CDH13: variants seen among roughly 807,000 people sequenced by gnomAD.
The protein encoded by CDH13 is cadherin-13.
CDH13 carries 24 observed loss-of-function variants against 63.8 expected under a neutral mutation model. That is an observed-to-expected ratio of 0.38 (90% CI 0.27 to 0.53). The LOEUF (loss-of-function observed/expected upper bound fraction) is 0.53. Ranked by LOEUF, CDH13 falls within the 20% of genes least tolerant of loss-of-function variation. CDH13 has a pLI of 0.85. For synonymous variants in CDH13, 503 were observed against 355.3 expected (o/e 1.42, Z -4.67); for missense variants, 1,049 against 903.1 (o/e 1.16, Z -2.07).
chr16:83,316,897 G>C (rs561543463), intron 5 of CDH13, among the ~76,000 whole-genome samples: 1 of 152,168 alleles, frequency 6.6e-6, no homozygotes, highest in Non-Finnish European at 1.5e-5. Context: ...GCTGGGCTGG[G>C]CTCCAGGCTG....
At chr16:82,631,373 C>A (rs1907989239) in intron 1 of CDH13, among the ~76,000 whole-genome samples, 1 of 152,226 alleles carries the variant, frequency 6.6e-6, no homozygotes, top group African/African-American at 2.4e-5. Flanking sequence ...TACATAACCA[C>A]CCAGAAGGGT....
At chr16:83,249,448 C>T (rs545008250) in intron 5 of CDH13, among the ~76,000 whole-genome samples, 4 of 152,302 alleles carry the variant, frequency 2.6e-5, no homozygotes, top group South Asian at 4.1e-4. Context: ...CCCATTATGT[C>T]CTGTGCAGTT....
At chr16:83,107,689 G>C (rs17279383) in intron 3 of CDH13, among the ~76,000 whole-genome samples, 15,201 of 150,630 alleles carry the variant, frequency 0.1, 883 homozygotes, top group African/African-American at 0.16. Flanking sequence ...TTCTCTCTGT[G>C]TATTGATTCT....
chr16:83,131,169 A>T (rs1049780083), intron 4 of CDH13, among the ~76,000 whole-genome samples: 1 of 144,594 alleles, frequency 6.9e-6, no homozygotes, highest in African/African-American at 2.7e-5. Context: ...TGGGGAGTAT[A>T]AGGGGGTGTA....
chr16:83,005,089 G>C (rs1913346209), intron 2 of CDH13, among the ~76,000 whole-genome samples: 1 of 152,158 alleles, frequency 6.6e-6, no homozygotes, highest in Non-Finnish European at 1.5e-5. Context: ...CTGCAATGGA[G>C]GCTGGGAAGT....
intron 9 of CDH13, among the ~76,000 whole-genome samples, chr16:83,673,226 C>T (rs749296417): frequency 1.1e-4 from 16 of 152,160 alleles, no homozygotes; most frequent in Admixed American, 2.6e-4. Flanking sequence ...AATACTGACC[C>T]GTACTAGAAA....
At chr16:83,718,716 G>T (rs554231370) in intron 10 of CDH13, among the ~76,000 whole-genome samples, 21 of 152,232 alleles carry the variant, frequency 1.4e-4, no homozygotes, top group Non-Finnish European at 2.8e-4. Context: ...AGCCAGCTTG[G>T]CCCACACTCT....
At chr16:83,081,703 G>GAGAA (rs1471249093) in intron 3 of CDH13, among the ~76,000 whole-genome samples, 1 of 151,914 alleles carries the variant, frequency 6.6e-6, no homozygotes, top group Non-Finnish European at 1.5e-5. Context: ...GAGAGAGAGA[G>GAGAA]AGAAAGAGAG....
intron 13 of CDH13, among the ~76,000 whole-genome samples, chr16:83,794,363 G>C (rs1017046731): frequency 2.0e-5 from 3 of 151,978 alleles, no homozygotes; most frequent in African/African-American, 7.2e-5. Context: ...GAACAGCCTG[G>C]ACAACATGGC....
chr16:83,076,102 T>A (rs990988599), intron 3 of CDH13, among the ~76,000 whole-genome samples: 1 of 151,900 alleles, frequency 6.6e-6, no homozygotes, highest in African/African-American at 2.4e-5. Context: ...AACATAAAAT[T>A]GGAAGGAAAA....
intron 1 of CDH13, among the ~76,000 whole-genome samples, chr16:82,846,573 A>G (rs911078926): frequency 1.3e-5 from 2 of 152,166 alleles, no homozygotes; most frequent in African/African-American, 4.8e-5. Context: ...AACTAACTGG[A>G]AAAATTGAGA....
intron 3 of CDH13, among the ~76,000 whole-genome samples, chr16:83,112,656 G>C (rs556605714): frequency 2.0e-5 from 3 of 152,074 alleles, no homozygotes; most frequent in Non-Finnish European, 4.4e-5. Flanking sequence ...TGTGTATTTT[G>C]ATTATTTCTC....
intron 10 of CDH13, among the ~76,000 whole-genome samples, chr16:83,712,134 T>C (rs1487512268): frequency 1.3e-5 from 2 of 152,218 alleles, no homozygotes; most frequent in Non-Finnish European, 2.9e-5. Flanking sequence ...ACTTACCTGT[T>C]TAAGACAATC....
intron 6 of CDH13, among the ~76,000 whole-genome samples, chr16:83,456,726 C>T (rs2073034462): frequency 6.6e-6 from 1 of 152,108 alleles, no homozygotes; most frequent in African/African-American, 2.4e-5. Context: ...CTTTGGGAGG[C>T]CAAGGCGGGC....
chr16:83,038,142 G>C (rs561785954), intron 3 of CDH13, among the ~76,000 whole-genome samples: 2 of 152,294 alleles, frequency 1.3e-5, no homozygotes, highest in South Asian at 2.1e-4. Flanking sequence ...ACTGTGTTTT[G>C]GAAGGAAAGA....
chr16:82,884,419 A>G (rs1184334033), intron 2 of CDH13: 1 of 319,126 alleles, frequency 3.1e-6, no homozygotes, highest in Non-Finnish European at 6.2e-6. Context: ...CTGTTGCAGT[A>G]GACAAAGCAA....
chr16:83,560,904 C>A lies in CDH13; in HGVS notation c.961-41550C>A, dbSNP rs547675036. ...ACAAGTGTACCATAAGGTTGGCCCCCCCCCCGCCCCAGGGGCTGAGGGTTG... is the reference window on the plus strand; with the variant it reads ...ACAAGTGTACCATAAGGTTGGCCCCACCCCCGCCCCAGGGGCTGAGGGTTG... On this transcript the variant is annotated intron_variant, in intron 7 of 13. Coordinates refer to ENST00000567109, the MANE Select transcript of CDH13 (RefSeq NM_001257.5). 1.0e-3 allele frequency among the ~76,000 whole-genome samples: 157 copies of A among 152,058 alleles called. 2 individuals are homozygous for A. The highest frequency in any genetic ancestry group is 3.1e-3 in the African/African-American group (129 of 41,496).
chr16:83,254,562 A>G (rs1025588812), intron 5 of CDH13, among the ~76,000 whole-genome samples: 65 of 152,070 alleles, frequency 4.3e-4, no homozygotes, highest in African/African-American at 1.5e-3. Flanking sequence ...TGCTGTCACC[A>G]TCTCCTCCTC....
At chr16:83,440,318 G>C (rs1251303897) in intron 6 of CDH13, among the ~76,000 whole-genome samples, 1 of 152,220 alleles carries the variant, frequency 6.6e-6, no homozygotes, top group Non-Finnish European at 1.5e-5. Context: ...CAGGACAGAT[G>C]AAGTGGCTTG....
Sources: gnomAD v4.1 joint callset for allele counts (sites outside exome capture counted in the v4.1 genomes callset) on GRCh38, gnomAD v4.1.1 for gene constraint, MANE v1.5 for transcripts, NCBI Gene and HGNC (gene_info 2026-07-23, HGNC 2026-07-21) for gene names.